Variants in CNTNAP2 observed in about 807,000 individuals in gnomAD.
The protein encoded by CNTNAP2 is contactin-associated protein-like 2.
In CNTNAP2, 98 loss-of-function variants were observed where a neutral mutation model predicts 155.2. The ratio of observed to expected loss-of-function variants is 0.63; its 90% CI spans 0.54 to 0.75. CNTNAP2 has a LOEUF of 0.75. Among genes scored for constraint, CNTNAP2 ranks in the 30% least tolerant of loss-of-function variants. The pLI is 0.00. For synonymous variants in CNTNAP2, 651 were observed against 631.2 expected (o/e 1.03, Z -0.47); for missense variants, 1,727 against 1,688.1 (o/e 1.02, Z -0.40).
At chr7:146,871,642 A>G (rs904831171) in intron 3 of CNTNAP2, among the ~76,000 whole-genome samples, 9 of 152,130 alleles carry the variant, frequency 5.9e-5, no homozygotes, top group African/African-American at 1.7e-4. Context: ...AAAAATTACT[A>G]TATTTAACAA....
intron 15 of CNTNAP2, among the ~76,000 whole-genome samples, chr7:148,115,460 G>T (rs1804447470): frequency 6.6e-6 from 1 of 152,188 alleles, no homozygotes; most frequent in Non-Finnish European, 1.5e-5. Context: ...TTTGCTTAAG[G>T]CTGAAGTCTG....
At chr7:146,420,801 T>C (rs1413304497) in intron 1 of CNTNAP2, among the ~76,000 whole-genome samples, 1 of 152,138 alleles carries the variant, frequency 6.6e-6, no homozygotes, top group African/African-American at 2.4e-5. Flanking sequence ...AATGTAGGAA[T>C]TGTAACATTT....
chr7:148,262,438 A>G lies in CNTNAP2; in HGVS notation c.3382-4595A>G, dbSNP rs560115800. On this transcript the variant is annotated intron_variant, in intron 20 of 23. Coordinates refer to ENST00000361727, the MANE Select transcript of CNTNAP2 (RefSeq NM_014141.6). ...ACTATCTCACAGTTCCAGAGGCCAG[A>G]AGTGCAAAGTCAGCGCAAACGGCTG... 2.0e-5 allele frequency among the ~76,000 whole-genome samples: 3 copies of G among 152,326 alleles called. No individual in the cohort carries two copies. The South Asian group carries it at 6.2e-4, about 32-fold the overall frequency.
At chr7:148,040,579 T>A (rs1299211605) in intron 15 of CNTNAP2, among the ~76,000 whole-genome samples, 1 of 152,232 alleles carries the variant, frequency 6.6e-6, no homozygotes, top group Non-Finnish European at 1.5e-5. Flanking sequence ...ACCAGTCCTA[T>A]CCCACACCCC....
intron 14 of CNTNAP2, among the ~76,000 whole-genome samples, chr7:147,904,035 G>A (rs190539093): frequency 6.0e-4 from 92 of 152,286 alleles, no homozygotes; most frequent in African/African-American, 2.0e-3. Flanking sequence ...AACAATAGAG[G>A]GATGGCTGGG....
rs558433129 is a variant in CNTNAP2, at chr7:146,170,983, C to T, written c.97+54010C>T. ...CGGAGGTTACAGTGAGCCGAGATTG[C>T]GCCATTGCACACCAGCCTAGGCAAC... On this transcript the variant is annotated intron_variant, in intron 1 of 23. Transcript: ENST00000361727. Among the ~76,000 whole-genome samples the T allele has an allele frequency of 1.6e-3, 242 of 152,106 alleles. 2 individuals are homozygous for T. The highest frequency in any genetic ancestry group is 5.7e-3 in the African/African-American group (236 of 41,484).
In CNTNAP2 at chr7:148,040,371, A is replaced by G. The variant is rs561858851; in HGVS notation, c.2383+62382A>G. Among the ~76,000 whole-genome samples, 16 of 152,360 alleles carry G rather than the reference A, an allele frequency of 1.1e-4. No individual in the cohort carries two copies. In the South Asian group the frequency reaches 3.3e-3, roughly 32 times the overall value. On this transcript the variant is annotated intron_variant, in intron 15 of 23. Transcript: ENST00000361727. ...TAAAGAAAAAGCAGGAAATTACCTCAGATGAAACTTCATTACATGGCATTT... is the reference window on the plus strand; with the variant it reads ...TAAAGAAAAAGCAGGAAATTACCTCGGATGAAACTTCATTACATGGCATTT...
intron 1 of CNTNAP2, among the ~76,000 whole-genome samples, chr7:146,594,388 G>T (rs1798828160): frequency 2.0e-5 from 3 of 151,352 alleles, no homozygotes; most frequent in Admixed American, 6.6e-5. Flanking sequence ...TTTGGTGTTT[G>T]CACGTCTATT....
At position 147,550,232 on chromosome 7, in the gene CNTNAP2, G is replaced by T. The variant is rs1220026128; in HGVS notation, c.1778-11906G>T. Among the ~76,000 whole-genome samples, 7 of 152,224 alleles carry T rather than the reference G, an allele frequency of 4.6e-5. No individual in the cohort carries two copies. The East Asian group carries it at 9.7e-4, about 21-fold the overall frequency. On this transcript the variant is annotated intron_variant, in intron 11 of 23. Transcript: ENST00000361727. ...TTTTTTGAGAGAGCTGAGTGATATG[G>T]TTTGACTGTGTCCCCACCCAAATCT...
At chr7:146,198,775 CT>C (rs372702976) in intron 1 of CNTNAP2, among the ~76,000 whole-genome samples, 3,944 of 146,058 alleles carry the variant, frequency 0.027, 124 homozygotes, top group African/African-American at 0.078. Context: ...TGGCATAGAA[CT>C]TTTTTTTTTT....
intron 3 of CNTNAP2, among the ~76,000 whole-genome samples, chr7:146,841,642 A>G (rs1562969478): frequency 6.6e-6 from 1 of 152,188 alleles, no homozygotes; most frequent in African/African-American, 2.4e-5. Context: ...ACTCTGAAAT[A>G]CTGTTCTCTA....
chr7:146,933,834 G>T (rs1796843604), intron 3 of CNTNAP2, among the ~76,000 whole-genome samples: 2 of 152,130 alleles, frequency 1.3e-5, no homozygotes, highest in Non-Finnish European at 2.9e-5. Context: ...AAAAGCACAT[G>T]AAAAAATGCT....
At position 148,350,292 on chromosome 7, in the gene CNTNAP2, AG is replaced by A. The variant is rs1798405280; in HGVS notation, c.3476-33356del. Among the ~76,000 whole-genome samples, 2 of 152,312 alleles carry A rather than the reference AG, an allele frequency of 1.3e-5. 1 individual carries two copies. Among genetic ancestry groups the A allele is most frequent in the Middle Eastern group, 6.8e-3 (2 of 294 alleles). On this transcript the variant is annotated intron_variant, in intron 21 of 23. Transcript: ENST00000361727. ...AAGGGATTAAGGAATTTCTGTCTAC[AG>A]CCGCAAATACAGGGCAGGCAAGGAC...
At chr7:146,470,479 C>G (rs1171861129) in intron 1 of CNTNAP2, among the ~76,000 whole-genome samples, 2 of 152,086 alleles carry the variant, frequency 1.3e-5, no homozygotes, top group Non-Finnish European at 2.9e-5. Flanking sequence ...GGAGACTTGC[C>G]CAGATATTGC....
At chr7:146,989,459 C>G (rs1524344) in intron 3 of CNTNAP2, among the ~76,000 whole-genome samples, 142,556 of 152,108 alleles carry the variant, frequency 0.94, 66,894 homozygotes, top group East Asian at 1. Context: ...GCTAAAAGGG[C>G]TAAGAAGTTC....
intron 10 of CNTNAP2, among the ~76,000 whole-genome samples, chr7:147,484,713 T>G (rs1460793048): frequency 6.6e-6 from 1 of 152,154 alleles, no homozygotes; most frequent in Non-Finnish European, 1.5e-5. Context: ...TAGTGGTAAA[T>G]TGAGAACAGG....
chr7:147,176,458 CTT>C (rs1212660856), intron 8 of CNTNAP2, among the ~76,000 whole-genome samples: 2 of 151,496 alleles, frequency 1.3e-5, no homozygotes, highest in African/African-American at 2.4e-5. Flanking sequence ...TGTTCAATGA[CTT>C]TTTCTTCTTA....
At chr7:147,205,703 A>G (rs1359452524) in intron 8 of CNTNAP2, among the ~76,000 whole-genome samples, 1 of 151,948 alleles carries the variant, frequency 6.6e-6, no homozygotes, top group Non-Finnish European at 1.5e-5. Context: ...AAAAAAAGGA[A>G]CTCAGGGTGA....
At chr7:147,763,314 C>A (rs753764940) in intron 13 of CNTNAP2, among the ~76,000 whole-genome samples, 1 of 150,856 alleles carries the variant, frequency 6.6e-6, no homozygotes, top group African/African-American at 2.4e-5. Flanking sequence ...CCAATGATTG[C>A]AGCTGTGATT....
Sources: gnomAD v4.1 joint callset for allele counts (sites outside exome capture counted in the v4.1 genomes callset) on GRCh38, gnomAD v4.1.1 for gene constraint, MANE v1.5 for transcripts, NCBI Gene and HGNC (gene_info 2026-07-23, HGNC 2026-07-21) for gene names.